HERC2: variants seen among roughly 807,000 people sequenced by gnomAD.
HERC2 encodes the protein E3 ubiquitin-protein ligase HERC2.
In HERC2, 102 loss-of-function variants were observed where a neutral mutation model predicts 537.7. The ratio of observed to expected loss-of-function variants is 0.19; its 90% CI spans 0.16 to 0.22. HERC2 has a LOEUF of 0.22. Among genes scored for constraint, HERC2 ranks in the 10% least tolerant of loss-of-function variants. The pLI is 1.00. For missense variants in HERC2, 4,236 were observed against 6,198.2 expected (o/e 0.68, Z 10.63); for synonymous variants, 2,224 against 2,466.2 (o/e 0.90, Z 2.91).
rs36068402 is a variant in HERC2, at chr15:28,129,780, C to CTTTTTTTTTTTTTTTTTT, written c.12802+382_12802+383insAAAAAAAAAAAAAAAAAA. ...AGGACACAGTATAAGCCTCTGCCTCCTTTTTTTTTTTTTTTTTGAGACAGT... is the reference window on the plus strand; with the variant it reads ...AGGACACAGTATAAGCCTCTGCCTCCTTTTTTTTTTTTTTTTTTTTTTTTTTTTTTTTTTTGAGACAGT... On this transcript the variant is annotated intron_variant, in intron 83 of 92. Coordinates refer to ENST00000261609, the MANE Select transcript of HERC2 (RefSeq NM_004667.6). Among the ~76,000 whole-genome samples, 5 of 143,552 alleles carry CTTTTTTTTTTTTTTTTTT rather than the reference C, an allele frequency of 3.5e-5. 2 individuals carry two copies. The highest frequency in any genetic ancestry group is 7.6e-5 in the Non-Finnish European group (5 of 65,892). The allele number at this position is 143,552 out of a possible 152,430, so 94.2% of individuals were successfully genotyped here.
chr15:28,210,675 A>G (rs1348363003), intron 44 of HERC2, among the ~76,000 whole-genome samples: 1 of 151,792 alleles, frequency 6.6e-6, no homozygotes, highest in Non-Finnish European at 1.5e-5. Flanking sequence ...TACAGGCTCT[A>G]TTTCTTTGGT....
At chr15:28,237,896 A>G (rs1252541186) in intron 25 of HERC2, among the ~76,000 whole-genome samples, 1 of 152,220 alleles carries the variant, frequency 6.6e-6, no homozygotes, top group East Asian at 1.9e-4. Context: ...CAAATTGATC[A>G]TTTAAAAAAC....
intron 11 of HERC2, 34 bp downstream of exon 11, chr15:28,269,214 G>A (rs780855511): frequency 1.9e-6 from 3 of 1,583,742 alleles, no homozygotes; most frequent in Non-Finnish European, 2.6e-6. Flanking sequence ...GCCCCGCAAG[G>A]GAACACTGCA....
chr15:28,273,629 A>C (rs2075797522), intron 7 of HERC2, among the ~76,000 whole-genome samples: 1 of 152,210 alleles, frequency 6.6e-6, no homozygotes, highest in Non-Finnish European at 1.5e-5. Flanking sequence ...CAGCCGGCTC[A>C]GGAAGTGGAC....
At position 28,255,975 on chromosome 15, in the gene HERC2, A is replaced by G. The variant is rs769301736; in HGVS notation, c.2768T>C (p.Ile923Thr). ...AATCATGAATCGACGACCTGGACTTATGTTCACTTCATTGCCTGAAACTGA... is the reference window on the plus strand; with the variant it reads ...AATCATGAATCGACGACCTGGACTTGTGTTCACTTCATTGCCTGAAACTGA... Reference protein sequence around the residue: ...PCAVSGNEVNISPGRRFMIDL... With the variant: ...PCAVSGNEVNTSPGRRFMIDL... Residue 923 changes from isoleucine to threonine, a missense_variant, in exon 19 of 93, where the codon ATA (isoleucine) becomes ACA (threonine). Ile to Thr is a moderately conservative substitution (Grantham distance 89, BLOSUM62 -1). This residue lies in a region of HERC2 where 754 missense variants were observed against 1,085.0 expected (regional missense o/e 0.69). Coordinates refer to ENST00000261609, the MANE Select transcript of HERC2 (RefSeq NM_004667.6). 22 of 1,606,274 alleles carry G rather than the reference A, an allele frequency of 1.4e-5. No homozygotes were observed. The highest frequency in any genetic ancestry group is 1.6e-5 in the Non-Finnish European group (19 of 1,179,822).
intron 69 of HERC2, 34 bp downstream of exon 69, chr15:28,163,060 G>A (rs1272159066): frequency 1.9e-6 from 3 of 1,561,010 alleles, no homozygotes; most frequent in African/African-American, 2.7e-5. Flanking sequence ...TGGAGGAGGT[G>A]GAATCAGACG....
intron 9 of HERC2, among the ~76,000 whole-genome samples, chr15:28,271,842 T>C (rs1046828305): frequency 6.6e-6 from 1 of 152,186 alleles, no homozygotes; most frequent in African/African-American, 2.4e-5. Context: ...CCTCAGCTTG[T>C]TGTCCACACC....
intron 70 of HERC2, among the ~76,000 whole-genome samples, chr15:28,149,777 G>GTA (rs1283349491): frequency 1.3e-5 from 2 of 151,324 alleles, no homozygotes; most frequent in Non-Finnish European, 2.9e-5. Flanking sequence ...TCACACCAAT[G>GTA]TATATTCTAG....
At chr15:28,307,549 T>C (rs1181668439) in intron 2 of HERC2, among the ~76,000 whole-genome samples, 3 of 152,248 alleles carry the variant, frequency 2.0e-5, no homozygotes, top group Non-Finnish European at 2.9e-5. Context: ...GTGTTGCCAT[T>C]GCCATTTGTT....
At position 28,124,180 on chromosome 15, in the gene HERC2, G is replaced by A; in HGVS notation, c.13045C>T (p.Arg4349Cys). ...GAGAGGTGGTGCAGCAGCAGCAGAC[G>A]GTTCCTCAGCGCAATGATGGGGATC... is the stretch of plus-strand genomic sequence containing the variant. ...QEIPIIALRNRLLLLHHLSEL... is the reference protein window; with the variant it reads ...QEIPIIALRNCLLLLHHLSEL... Residue 4349 changes from arginine (R) to cysteine (C), a missense_variant, in exon 85 of 93, where the codon CGT (arginine) becomes TGT (cysteine). This residue lies in a region of HERC2 where 189 missense variants were observed against 255.7 expected (regional missense o/e 0.74). Transcript: ENST00000261609. 1.3e-6 allele frequency: 2 copies of A among 1,567,922 alleles called. No individual in the cohort carries two copies. The highest frequency in any genetic ancestry group is 1.7e-6 in the Non-Finnish European group (2 of 1,155,418).
chr15:28,233,868 G>C, intron 27 of HERC2, 72 bp from the exon 28 acceptor site: 2 of 1,439,870 alleles, frequency 1.4e-6, no homozygotes, highest in Non-Finnish European at 1.9e-6. Context: ...ACATGCCACA[G>C]CTTCTGACGC....
rs768486088 is a variant in HERC2, at chr15:28,256,080, C to T, written c.2746+9G>A. ...CCCATGCCCTCTCCTGTTCCTTCCC[C>T]AGGCCCACCTGCGCAGGGCAGGAGA... On this transcript the variant is annotated intron_variant, in intron 18 of 92. Transcript: ENST00000261609. 4.4e-6 allele frequency: 7 copies of T among 1,603,654 alleles called. No homozygotes were observed. The highest frequency in any genetic ancestry group is 5.9e-6 in the Non-Finnish European group (7 of 1,178,772).
In HERC2 at chr15:28,292,530, G is replaced by A. The variant is rs35999513; in HGVS notation, c.322+358C>T. Among the ~76,000 whole-genome samples the A allele has an allele frequency of 3.3e-3, 505 of 152,184 alleles. 4 individuals are homozygous for A. Among genetic ancestry groups the A allele is most frequent in the Non-Finnish European group, 3.0e-3 (206 of 68,024 alleles). ...TTACTGCTTCCTCAAACAGTTACAC[G>A]TAGTGCCAGGTGCGATGGCTCACAC... On this transcript the variant is annotated intron_variant, in intron 4 of 92. Transcript: ENST00000261609.
chr15:28,265,843 C>G lies in HERC2; in HGVS notation c.1730G>C (p.Arg577Pro), dbSNP rs376524441. The part of the protein sequence containing the change: ...TAEGELYTWG[R>P]GNYGRLGHGS... ...ATGGCCCAGCCGGCCGTAGTTCCCG[C>G]GGCCCCAGGTGTACAGCTCCCCCTC... The change falls in exon 13 of 93, where the codon CGC becomes CCC. Residue 577 changes from arginine to proline, a missense_variant. This residue lies in a region of HERC2 where 754 missense variants were observed against 1,085.0 expected (regional missense o/e 0.69). Transcript: ENST00000261609. This position sits in a 1 kb window ranked among gnomAD's most constrained non-coding sequence, Gnocchi z 4.0. The G allele has an allele frequency of 1.9e-6, 3 of 1,614,044 alleles. No homozygotes were observed. The African/African-American group carries it at 4.0e-5, about 22-fold the overall frequency.
intron 20 of HERC2, among the ~76,000 whole-genome samples, chr15:28,253,150 CTCT>C (rs2075137695): frequency 6.6e-6 from 1 of 150,776 alleles, no homozygotes; most frequent in African/African-American, 2.5e-5. Context: ...TGCTTTTTCG[CTCT>C]TCTTGGGTGA....
chr15:28,187,017 A>T (rs977223688), intron 55 of HERC2, among the ~76,000 whole-genome samples: 1 of 152,208 alleles, frequency 6.6e-6, no homozygotes, highest in African/African-American at 2.4e-5. Context: ...TTTAAATAGG[A>T]TAACAGCCTT....
intron 9 of HERC2, among the ~76,000 whole-genome samples, chr15:28,271,157 C>T (rs1050053339): frequency 3.3e-5 from 5 of 152,196 alleles, no homozygotes; most frequent in African/African-American, 4.8e-5. Flanking sequence ...GACCAAACCA[C>T]CCTACAGGCC....
chr15:28,209,715 T>C (rs1898925762), intron 44 of HERC2, among the ~76,000 whole-genome samples: 1 of 152,140 alleles, frequency 6.6e-6, no homozygotes, highest in South Asian at 2.1e-4. Flanking sequence ...CACCATTTTA[T>C]AGAAGGGCCT....
At chr15:28,136,078 C>T (rs1181183206) in intron 78 of HERC2, among the ~76,000 whole-genome samples, 3 of 149,432 alleles carry the variant, frequency 2.0e-5, no homozygotes, top group Non-Finnish European at 4.4e-5. Flanking sequence ...AACACAAATA[C>T]ATTTTAATAT....
Sources: gnomAD v4.1 joint callset for allele counts (sites outside exome capture counted in the v4.1 genomes callset) on GRCh38, gnomAD v4.1.1 for gene constraint, gnomAD v4.1.1 regional missense constraint, Gnocchi (gnomAD v3.1) non-coding constraint, MANE v1.5 for transcripts, NCBI Gene and HGNC (gene_info 2026-07-23, HGNC 2026-07-21) for gene names.